The following PACC1 variants were observed in gnomAD, a reference collection of about 807,000 sequenced individuals.
PACC1 encodes the protein proton-activated chloride channel.
In PACC1, 34 loss-of-function variants were observed where a neutral mutation model predicts 39.7. The ratio of observed to expected loss-of-function variants is 0.86; its 90% CI spans 0.65 to 1.14. The LOEUF (loss-of-function observed/expected upper bound fraction) is 1.14, where lower values mean the gene tolerates loss of function less well. Among genes scored for constraint, PACC1 ranks in the 50% most tolerant of loss-of-function variants. The pLI, the probability that PACC1 is intolerant of heterozygous loss-of-function variation, is 0.00. For synonymous variants in PACC1, 127 were observed against 160.6 expected, an observed-to-expected ratio of 0.79 and a Z score of 1.58; for missense variants, 379 against 436.4, an observed-to-expected ratio of 0.87 and a Z score of 1.17.
At chr1:212,402,217 T>C (rs1661742271) in intron 2 of PACC1, among the ~76,000 whole-genome samples, 1 of 152,224 alleles carries the variant, frequency 6.6e-6, no homozygotes, top group African/African-American at 2.4e-5. Context: ...AACTCTGTAG[T>C]TAACCTTTTG....
At chr1:212,405,023 T>C (rs1661857423) in intron 2 of PACC1, among the ~76,000 whole-genome samples, 2 of 152,232 alleles carry the variant, frequency 1.3e-5, no homozygotes, top group Admixed American at 6.5e-5. Context: ...TCTGCTCGCT[T>C]TGGCCTCCCA....
At chr1:212,382,828 C>T (rs1421374440) in intron 4 of PACC1, among the ~76,000 whole-genome samples, 1 of 152,210 alleles carries the variant, frequency 6.6e-6, no homozygotes, top group Admixed American at 6.5e-5. Context: ...AGAGCATTAC[C>T]ACCAAGGCAG....
chr1:212,402,568 A>G (rs1461137333), intron 2 of PACC1, among the ~76,000 whole-genome samples: 2 of 152,186 alleles, frequency 1.3e-5, no homozygotes, highest in Non-Finnish European at 2.9e-5. Flanking sequence ...CCAGTCCCTT[A>G]TCAGGTGTAT....
At chr1:212,393,027 C>G (rs937833391) in intron 2 of PACC1, among the ~76,000 whole-genome samples, 1 of 152,136 alleles carries the variant, frequency 6.6e-6, no homozygotes, top group Non-Finnish European at 1.5e-5. Flanking sequence ...GACAGATCAA[C>G]AAGACAGAAA....
intron 2 of PACC1, among the ~76,000 whole-genome samples, chr1:212,408,365 TA>T (rs1243951097): frequency 6.6e-6 from 1 of 151,572 alleles, no homozygotes; most frequent in African/African-American, 2.4e-5. Context: ...TACTTTATTT[TA>T]TTTTTTTTTT....
chr1:212,365,587 C>T (rs1177217627), intron 7 of PACC1, among the ~76,000 whole-genome samples: 18 of 152,086 alleles, frequency 1.2e-4, no homozygotes, highest in Non-Finnish European at 2.6e-4. Flanking sequence ...CCTGCCACCA[C>T]ACCTGGCTAA....
chr1:212,410,891 G>C (rs1182414945), intron 1 of PACC1, among the ~76,000 whole-genome samples: 1 of 152,210 alleles, frequency 6.6e-6, no homozygotes. Context: ...TCTGGTGACA[G>C]CCAGCAATCC....
intron 2 of PACC1, among the ~76,000 whole-genome samples, chr1:212,393,770 A>C (rs560937115): frequency 6.6e-6 from 1 of 152,364 alleles, no homozygotes; most frequent in South Asian, 2.1e-4. Context: ...CACCGATCTC[A>C]CAGAAATACA....
chr1:212,384,642 A>C (rs556676446), intron 4 of PACC1, among the ~76,000 whole-genome samples: 59 of 152,332 alleles, frequency 3.9e-4, no homozygotes, highest in African/African-American at 1.4e-3. Context: ...GAAATGAAAA[A>C]GATGAGATGT....
intron 1 of PACC1, among the ~76,000 whole-genome samples, chr1:212,412,101 A>G (rs1558185587): frequency 6.6e-6 from 1 of 151,916 alleles, no homozygotes; most frequent in Non-Finnish European, 1.5e-5. Flanking sequence ...AGATCGCACC[A>G]TTGCACTCCA....
intron 7 of PACC1, among the ~76,000 whole-genome samples, chr1:212,374,416 G>C (rs961466050): frequency 7.2e-5 from 11 of 152,132 alleles, no homozygotes; most frequent in African/African-American, 2.4e-4. Context: ...GGCTGGGAAG[G>C]GTTGGGGGAA....
At chr1:212,395,983 T>C (rs925887540) in intron 2 of PACC1, among the ~76,000 whole-genome samples, 1 of 152,240 alleles carries the variant, frequency 6.6e-6, no homozygotes, top group South Asian at 2.1e-4. Flanking sequence ...TTTTACACTG[T>C]TGGTGGGACT....
At chr1:212,414,123 T>G (rs1294680832) in intron 1 of PACC1, 1 of 1,486,600 alleles carries the variant, frequency 6.7e-7, no homozygotes, top group Non-Finnish European at 8.9e-7. Context: ...TGGAAAGTGA[T>G]AAAGTCGTGG....
rs1660597294 is a variant in PACC1 at position 212,375,073 on chromosome 1, C to T, written c.891+120G>A. ...AGGACAGGTAGGTAGACTTATCAGTCTACAAGAATGAGCCAAAAGACTTCA... is the reference window on the plus strand; with the variant it reads ...AGGACAGGTAGGTAGACTTATCAGTTTACAAGAATGAGCCAAAAGACTTCA... On this transcript the variant is annotated intron_variant, in intron 7 of 7. Coordinates refer to ENST00000261455, the MANE Select transcript of PACC1 (RefSeq NM_018252.3). The T allele has an allele frequency of 8.3e-6, 6 of 722,244 alleles. No homozygotes were observed. The South Asian group carries it at 1.2e-4, about 14-fold the overall frequency. 44.7% of individuals were successfully genotyped at this position (722,244 alleles called of 1,614,324 possible).
rs1660610986 is a variant in PACC1 at position 212,375,414 on chromosome 1, A to G, written c.784-114T>C. 5.7e-6 allele frequency: 4 copies of G among 699,478 alleles called. No homozygotes were observed. In the Admixed American group the frequency reaches 9.9e-5, roughly 17 times the overall value. 43.3% of individuals were successfully genotyped at this position (699,478 alleles called of 1,614,324 possible). On this transcript the variant is annotated intron_variant, in intron 6 of 7. Transcript: ENST00000261455. ...GATCATAGTCTGTGGTTCTCCTCAC[A>G]CTATTTTTTGGAGAGAGAGTGGCAA...
intron 2 of PACC1, among the ~76,000 whole-genome samples, chr1:212,396,448 A>C (rs1196077441): frequency 6.6e-6 from 1 of 152,058 alleles, no homozygotes; most frequent in African/African-American, 2.4e-5. Context: ...GGGGTGGGGG[A>C]AGGGGTAGGG....
chr1:212,393,932 G>T (rs570126208), intron 2 of PACC1, among the ~76,000 whole-genome samples: 1 of 152,094 alleles, frequency 6.6e-6, no homozygotes, highest in East Asian at 1.9e-4. Flanking sequence ...CTCTGAAATT[G>T]AGGCAATAAT....
intron 2 of PACC1, chr1:212,387,557 T>C (rs1195057151): frequency 6.1e-6 from 1 of 163,882 alleles, no homozygotes; most frequent in African/African-American, 2.4e-5. Flanking sequence ...CCTCTACTCA[T>C]CGACTTTCTG....
chr1:212,398,983 C>T (rs1661618441), intron 2 of PACC1, among the ~76,000 whole-genome samples: 1 of 152,226 alleles, frequency 6.6e-6, no homozygotes, highest in Non-Finnish European at 1.5e-5. Context: ...AGGATCTATG[C>T]ACAGGAACCT....
Sources: allele counts gnomAD v4.1 joint callset (sites outside exome capture counted in the v4.1 genomes callset), GRCh38; gene constraint gnomAD v4.1.1; transcripts MANE v1.5; gene names NCBI Gene and HGNC (gene_info 2026-07-23, HGNC 2026-07-21).